The following APOH variants were observed in gnomAD, a reference collection of about 807,000 sequenced individuals.
APOH encodes apolipoprotein H.
Under a neutral mutation model 39.8 loss-of-function variants are expected in APOH, and 48 were observed. That is an observed-to-expected ratio of 1.21 (90% confidence interval 0.96 to 1.54). APOH has a LOEUF of 1.54. Among genes scored for constraint, APOH ranks in the 40% most tolerant of loss-of-function variants. APOH has a pLI of 0.00. For missense variants in APOH, 415 were observed against 421.2 expected, an observed-to-expected ratio of 0.99 and a Z score of 0.13; for synonymous variants, 153 against 151.1, an observed-to-expected ratio of 1.01 and a Z score of -0.09.
chr17:66,227,319 A>G (rs1406597785), intron 2 of APOH, among the ~76,000 whole-genome samples: 31 of 152,236 alleles, frequency 2.0e-4, no homozygotes, highest in Admixed American at 1.8e-3. Flanking sequence ...GGTCCTGTTC[A>G]TATAACCAAA....
intron 5 of APOH, among the ~76,000 whole-genome samples, chr17:66,219,815 A>G (rs559383910): frequency 6.6e-6 from 1 of 152,224 alleles, no homozygotes; most frequent in Admixed American, 6.5e-5. Context: ...GCTACTTGGG[A>G]GGCCAAGGCA....
intron 7 of APOH, among the ~76,000 whole-genome samples, chr17:66,212,671 G>A (rs139388241): frequency 1.2e-3 from 178 of 152,286 alleles, no homozygotes; most frequent in Middle Eastern, 6.8e-3. Flanking sequence ...GAGCCACTGC[G>A]CCTGGCCAAG....
Position 66,214,660 on chromosome 17 carries a change from A to G in APOH, c.785-10T>C, listed in dbSNP as rs770418019. 1.2e-6 allele frequency: 2 copies of G among 1,605,204 alleles called. No homozygotes were observed. Among genetic ancestry groups the G allele is most frequent in the South Asian group, 1.1e-5 (1 of 90,594 alleles). On this transcript the variant is annotated splice_polypyrimidine_tract_variant and intron_variant, in intron 6 of 7. Coordinates refer to ENST00000205948, the MANE Select transcript of APOH (RefSeq NM_000042.3). ...GGTACTTTACAAGATGCTGAAAGAGAGAATACTTGTAATCAGGACTTAAGA... is the reference window on the plus strand; with the variant it reads ...GGTACTTTACAAGATGCTGAAAGAGGGAATACTTGTAATCAGGACTTAAGA...
At chr17:66,223,638 G>T in intron 4 of APOH, 60 bp downstream of exon 4, 1 of 1,440,010 alleles carries the variant, frequency 6.9e-7, no homozygotes, top group Non-Finnish European at 9.8e-7. Context: ...GTGAGACTTT[G>T]AGTGCTAAAA....
chr17:66,228,537 C>A (rs565308318), intron 1 of APOH: 1 of 193,632 alleles, frequency 5.2e-6, no homozygotes, highest in South Asian at 1.0e-4. Flanking sequence ...CGCAGTTGCT[C>A]ACACCTGTAA....
At position 66,214,633 on chromosome 17, in the gene APOH, C is replaced by T. The variant is rs2073354131; in HGVS notation, c.802G>A (p.Val268Met). The T allele has an allele frequency of 6.2e-7, 1 of 1,612,706 alleles. No homozygotes were observed. Among genetic ancestry groups the T allele is most frequent in the Non-Finnish European group, 8.5e-7 (1 of 1,179,494 alleles). Residue 268 changes from valine (V) to methionine (M), a missense_variant, in exon 7 of 8, where the codon GTG becomes ATG. Physicochemically the swap from Val to Met is conservative, Grantham distance 21. Transcript: ENST00000205948. The stretch of plus-strand genomic sequence containing the variant: ...TGGTACACCACAGTGGCTTTTTTCA[C>T]AGGTACTTTACAAGATGCTGAAAGA... ...PSCKASCKVP[V>M]KKATVVYQGE...
At position 66,212,227 on chromosome 17, in the gene APOH, A is replaced by C. The variant is rs1362919647; in HGVS notation, c.983-39T>G. ...AAAAGATAAACATTCTAAGAGAAAC[A>C]ATCATTTCTTAAATGTGGTAAATAG... On this transcript the variant is annotated intron_variant, in intron 7 of 7. Transcript: ENST00000205948. 3.2e-6 allele frequency: 5 copies of C among 1,569,918 alleles called. No individual in the cohort carries two copies. In the African/African-American group the frequency reaches 4.1e-5, roughly 13 times the overall value.
In APOH at chr17:66,216,886, T is replaced by A. The variant is rs374397619; in HGVS notation, c.686A>T (p.Lys229Ile). 1.5e-5 allele frequency: 24 copies of A among 1,613,368 alleles called. No individual in the cohort carries two copies. The highest frequency in any genetic ancestry group is 1.8e-5 in the Non-Finnish European group (21 of 1,179,790). ...PAKPTLYYKDKATFGCHDGYS... is the reference protein window; with the variant it reads ...PAKPTLYYKDIATFGCHDGYS... ...TCCATCATGGCAGCCAAATGTGGCT[T>A]TATCCTTGTAATAAAGTGTTGGTTT... Residue 229 changes from lysine to isoleucine, a missense_variant, in exon 6 of 8, where the codon AAA becomes ATA. Transcript: ENST00000205948.
intron 3 of APOH, among the ~76,000 whole-genome samples, chr17:66,224,307 A>G (rs1381860940): frequency 6.6e-6 from 1 of 151,644 alleles, no homozygotes; most frequent in Non-Finnish European, 1.5e-5. Flanking sequence ...CCCAATTTCT[A>G]CAAAAAGTCA....
chr17:66,229,311 CT>C lies in APOH; in HGVS notation c.64+4del. On this transcript the variant is annotated splice_donor_region_variant and intron_variant, in intron 1 of 7. Coordinates refer to ENST00000205948, the MANE Select transcript of APOH (RefSeq NM_000042.3). ...ATTATTTTTTCAAAAGCAAAAAGTA[CT>C]TACTCCGTCCTGCAATAGCAACATG... The C allele has an allele frequency of 6.2e-7, 1 of 1,612,496 alleles. No homozygotes were observed. The highest frequency in any genetic ancestry group is 8.5e-7 in the Non-Finnish European group (1 of 1,178,940).
chr17:66,225,088 T>C (rs2073431855), intron 3 of APOH, among the ~76,000 whole-genome samples: 1 of 150,638 alleles, frequency 6.6e-6, no homozygotes, highest in East Asian at 1.9e-4. Context: ...GAAAGAAAAA[T>C]GTAACATTAT....
rs1265981674 is a variant in APOH at position 66,220,594 on chromosome 17, G to A, written c.564C>T (p.Cys188=). 6.2e-7 allele frequency: 1 copy of A among 1,614,160 alleles called. No homozygotes were observed. Among genetic ancestry groups the A allele is most frequent in the Non-Finnish European group, 8.5e-7 (1 of 1,180,032 alleles). Residue 188 remains cysteine, a synonymous_variant, in exon 5 of 8, where the codon TGC becomes TGT. Transcript: ENST00000205948. ...ATTTAGTCCAATTTCCATGTGTCGT[G>A]CAGGTAATTGTATCATTTCCAAACA... ...HAMFGNDTIT[C]TTHGNWTKLP... is the part of the protein sequence containing the mutation.
intron 3 of APOH, among the ~76,000 whole-genome samples, chr17:66,224,556 AAAG>A (rs1299813855): frequency 5.4e-5 from 8 of 147,998 alleles, no homozygotes; most frequent in African/African-American, 5.0e-5. Context: ...GAAAGAAAGA[AAAG>A]AAAAGAAAGA....
chr17:66,212,601 C>T (rs1054404980), intron 7 of APOH, among the ~76,000 whole-genome samples: 2 of 152,016 alleles, frequency 1.3e-5, no homozygotes, highest in Admixed American at 6.6e-5. Context: ...GCCAGGCTGG[C>T]CTCCTGACCT....
intron 2 of APOH, among the ~76,000 whole-genome samples, chr17:66,227,502 A>G (rs2073447075): frequency 6.6e-6 from 1 of 152,206 alleles, no homozygotes; most frequent in Admixed American, 6.5e-5. Context: ...CAGTAAAGCC[A>G]TAGTGAGATT....
intron 1 of APOH, 36 bp from the exon 2 acceptor site, chr17:66,228,232 T>C: frequency 6.3e-7 from 1 of 1,587,110 alleles, no homozygotes; most frequent in South Asian, 1.1e-5. Context: ...TTAACAAATC[T>C]CTATTTGCAT....
chr17:66,226,322 T>C (rs757175676), intron 2 of APOH, among the ~76,000 whole-genome samples, 198 bp from the exon 3 acceptor site: 36 of 152,330 alleles, frequency 2.4e-4, no homozygotes, highest in Middle Eastern at 6.8e-3. Context: ...AAAGCGTTCA[T>C]TATACTGTTT....
intron 4 of APOH, among the ~76,000 whole-genome samples, chr17:66,221,417 A>AAGGG (rs1567740248): frequency 1.0e-4 from 2 of 19,054 alleles, no homozygotes; most frequent in African/African-American, 1.5e-3. Flanking sequence ...GGAAGGAAGG[A>AAGGG]AGGAAGGAAG....
At chr17:66,220,343 G>T (rs1432748601) in intron 5 of APOH, among the ~76,000 whole-genome samples, 1 of 152,156 alleles carries the variant, frequency 6.6e-6, no homozygotes, top group African/African-American at 2.4e-5. Context: ...ACAGTTAATT[G>T]CATTATTTAT....
Sources: allele counts gnomAD v4.1 joint callset (sites outside exome capture counted in the v4.1 genomes callset), GRCh38; gene constraint gnomAD v4.1.1; transcripts MANE v1.5; gene names NCBI Gene and HGNC (gene_info 2026-07-23, HGNC 2026-07-21).